Variants in MATN3 observed in about 807,000 individuals in gnomAD.
MATN3 encodes matrilin 3, also known as matrilin-3.
MATN3 carries 48 observed loss-of-function variants against 45.3 expected under a neutral mutation model. The observed-to-expected ratio is 1.06, with a 90% CI of 0.84 to 1.35. MATN3 has a LOEUF of 1.35. Among genes scored for constraint, MATN3 ranks in the 40% most tolerant of loss-of-function variants. The pLI is 0.00. For synonymous variants in MATN3, 217 were observed against 245.9 expected (o/e 0.88, Z 1.10); for missense variants, 599 against 628.0 (o/e 0.95, Z 0.49).
Position 19,992,306 on chromosome 2 carries a change from A to C in MATN3, c.*805T>G, listed in dbSNP as rs76695784. ...GTAATCCCAGCACTTTGGGAGGCTG[A>C]GGCAGGTGGATCACTAACATTAAAA... On this transcript the variant is annotated 3_prime_UTR_variant, in exon 8 of 8. Coordinates refer to ENST00000407540, the MANE Select transcript of MATN3 (RefSeq NM_002381.5). The C allele has an allele frequency of 1.3e-5, 2 of 152,194 alleles. No homozygotes were observed. The highest frequency in any genetic ancestry group is 2.9e-5 in the Non-Finnish European group (2 of 68,002). The allele number at this position is 152,194 out of a possible 1,614,324, so 9.4% of individuals were successfully genotyped here. A position where few individuals can be genotyped will look rare whatever the true frequency, so the allele number is the denominator to read the frequency against.
At chr2:20,010,441 G>A (rs1472409212) in intron 1 of MATN3, among the ~76,000 whole-genome samples, 4 of 152,126 alleles carry the variant, frequency 2.6e-5, no homozygotes, top group Non-Finnish European at 5.9e-5. Flanking sequence ...TTACTTTTAC[G>A]TGGCAAAGAG....
In MATN3 at chr2:19,995,105, T is replaced by A. The variant is rs1341594963; in HGVS notation, c.1295-696A>T. The stretch of plus-strand genomic sequence containing the variant: ...ACCCTGTCTCTTAAAAATAAATAAA[T>A]AAAAATAAAACTAGGACAATAGTCC... On this transcript the variant is annotated intron_variant, in intron 6 of 7. Coordinates refer to ENST00000407540, the MANE Select transcript of MATN3 (RefSeq NM_002381.5). This position sits in a 1 kb window ranked among gnomAD's most constrained non-coding sequence, Gnocchi z 4.2. Among the ~76,000 whole-genome samples the A allele has an allele frequency of 6.8e-6, 1 of 147,670 alleles. No homozygotes were observed. Among genetic ancestry groups the A allele is most frequent in the Admixed American group, 6.8e-5 (1 of 14,772 alleles).
At chr2:19,999,362 A>G (rs1672940531) in intron 5 of MATN3, 1 of 152,448 alleles carries the variant, frequency 6.6e-6, no homozygotes, top group Admixed American at 6.6e-5. Flanking sequence ...GCCACTTTCC[A>G]CTTGTCTCCA....
intron 5 of MATN3, among the ~76,000 whole-genome samples, chr2:19,999,961 T>G (rs2103481142): frequency 6.6e-6 from 1 of 152,324 alleles, no homozygotes; most frequent in African/African-American, 2.4e-5. Context: ...GGCCTCAAAC[T>G]TACTGGAAGA....
At chr2:20,011,762 A>C (rs977375150) in intron 1 of MATN3, among the ~76,000 whole-genome samples, 2 of 152,204 alleles carry the variant, frequency 1.3e-5, no homozygotes, top group African/African-American at 4.8e-5. Flanking sequence ...GATATGCCTC[A>C]GTTTCCCTTC....
chr2:20,010,077 A>AAAAAAAAAAAAC (rs1673190587), intron 1 of MATN3, among the ~76,000 whole-genome samples: 1 of 149,286 alleles, frequency 6.7e-6, no homozygotes, highest in African/African-American at 2.5e-5. Context: ...TAAAAAAAAA[A>AAAAAAAAAAAAC]AAAAAAAAAA....
At chr2:19,999,649 A>AAAAAAT (rs1672947009) in intron 5 of MATN3, among the ~76,000 whole-genome samples, 2 of 145,242 alleles carry the variant, frequency 1.4e-5, no homozygotes, top group Non-Finnish European at 3.1e-5. Context: ...AAAAAAAAAA[A>AAAAAAT]AGAGGGGACT....
rs1275166038 is a variant in MATN3 at position 20,012,554 on chromosome 2, G to A, written c.78C>T (p.Ala26=). Residue 26 remains alanine (A), a synonymous_variant, in exon 1 of 8, where the codon GCC becomes GCT. Transcript: ENST00000407540. This position sits in a 1 kb window ranked among gnomAD's most constrained non-coding sequence, Gnocchi z 4.3. ...CCGGGCGGGCCACGGGGTCGGGGGCGGCGGAGGGCAGCAGCAGCAGCGGCC... is the reference window on the plus strand; with the variant it reads ...CCGGGCGGGCCACGGGGTCGGGGGCAGCGGAGGGCAGCAGCAGCAGCGGCC... ...LLWPLLLLPS[A]APDPVARPGF... The A allele has an allele frequency of 2.4e-6, 3 of 1,227,000 alleles. No individual in the cohort carries two copies. Among genetic ancestry groups the A allele is most frequent in the Non-Finnish European group, 3.0e-6 (3 of 985,618 alleles). 76.0% of individuals were successfully genotyped at this position (1,227,000 alleles called of 1,614,324 possible).
chr2:20,001,942 C>T lies in MATN3; in HGVS notation c.1042+13G>A. ...AGCTAAGTAGCAATAGTAAAGACTC[C>T]TCCCTCACTTACCTGAACAAGTTTT... On this transcript the variant is annotated intron_variant, in intron 4 of 7. Coordinates refer to ENST00000407540, the MANE Select transcript of MATN3 (RefSeq NM_002381.5). 1 of 1,611,944 alleles carries T rather than the reference C, an allele frequency of 6.2e-7. No homozygotes were observed. The highest frequency in any genetic ancestry group is 8.5e-7 in the Non-Finnish European group (1 of 1,178,812).
rs1673102663 is a variant in MATN3, at chr2:20,006,166, G to A, written c.368C>T (p.Ala123Val). The change falls in exon 2 of 8, where the codon GCA becomes GTA. Residue 123 changes from alanine (A) to valine (V), a missense_variant. Physicochemically the swap from Ala to Val is moderately conservative, Grantham distance 64. Coordinates refer to ENST00000407540, the MANE Select transcript of MATN3 (RefSeq NM_002381.5). Reference protein sequence around the residue: ...LDIGPADTRVAVVNYASTVKI... With the variant: ...LDIGPADTRVVVVNYASTVKI... ...CACAGTGCTAGCATAGTTCACCACT[G>A]CCACCCGCGTGTCGGCTGGCCCAAT... 6.2e-7 allele frequency: 1 copy of A among 1,613,986 alleles called. No homozygotes were observed. Among genetic ancestry groups the A allele is most frequent in the Non-Finnish European group, 8.5e-7 (1 of 1,179,880 alleles).
At chr2:20,000,690 A>C (rs1672969046) in intron 4 of MATN3, 124 bp from the exon 5 acceptor site, 3 of 906,712 alleles carry the variant, frequency 3.3e-6, no homozygotes, top group Non-Finnish European at 4.8e-6. Context: ...ATTCAAAGCC[A>C]TTGGCACTGT....
chr2:20,010,692 C>T (rs1158593616), intron 1 of MATN3, among the ~76,000 whole-genome samples: 1 of 152,196 alleles, frequency 6.6e-6, no homozygotes, highest in Non-Finnish European at 1.5e-5. Flanking sequence ...GCAGTCTCCC[C>T]TAGAGCCTCC....
In MATN3 at chr2:20,012,522, C is replaced by G; in HGVS notation, c.110G>C (p.Arg37Pro). 3.3e-6 allele frequency: 4 copies of G among 1,227,650 alleles called. No homozygotes were observed. The highest frequency in any genetic ancestry group is 4.1e-6 in the Non-Finnish European group (4 of 985,488). 76.0% of individuals were successfully genotyped at this position (1,227,650 alleles called of 1,614,324 possible). The change falls in exon 1 of 8, where the codon CGG becomes CCG. Residue 37 changes from arginine to proline, a missense_variant. By Grantham distance (103) the Arg-to-Pro change is moderately radical. Coordinates refer to ENST00000407540, the MANE Select transcript of MATN3 (RefSeq NM_002381.5). This position sits in a 1 kb window ranked among gnomAD's most constrained non-coding sequence, Gnocchi z 4.3. ...APDPVARPGFRRLETRGPGGS... is the reference protein window; with the variant it reads ...APDPVARPGFPRLETRGPGGS... ...CCCGGGACCTCGGGTCTCCAGCCTC[C>G]GGAAGCCCGGGCGGGCCACGGGGTC... is the stretch of plus-strand genomic sequence containing the variant.
chr2:20,006,438 G>A (rs1309005480), intron 1 of MATN3, 128 bp from the exon 2 acceptor site: 7 of 665,810 alleles, frequency 1.1e-5, no homozygotes, highest in East Asian at 2.7e-5. Flanking sequence ...CACTGCCTGC[G>A]ACCTTCCCCA....
At chr2:20,005,392 G>A (rs1673076093) in intron 2 of MATN3, among the ~76,000 whole-genome samples, 2 of 152,164 alleles carry the variant, frequency 1.3e-5, no homozygotes, top group Non-Finnish European at 2.9e-5. Flanking sequence ...TAGTGGTGGG[G>A]CAGAGGGGAC....
chr2:20,008,551 G>C (rs140509294), intron 1 of MATN3, among the ~76,000 whole-genome samples: 1 of 152,276 alleles, frequency 6.6e-6, no homozygotes, highest in East Asian at 1.9e-4. Context: ...TTATCTTCTT[G>C]TTTTTAGCCT....
intron 7 of MATN3, among the ~76,000 whole-genome samples, chr2:19,993,606 C>T (rs191294078): frequency 5.9e-5 from 9 of 152,126 alleles, no homozygotes; most frequent in East Asian, 1.9e-4. Flanking sequence ...AAATGAGAGA[C>T]GGGAAAAGAA....
Position 20,002,161 on chromosome 2 carries a change from T to TACACACACACACACACAC in MATN3, c.917-99_917-82dup, listed in dbSNP as rs35083474. ...TTGTGGGCCACGCCACTTACAGTTATACACACACACACACACACACACACA... is the reference window on the plus strand; with the variant it reads ...TTGTGGGCCACGCCACTTACAGTTATACACACACACACACACACACACACACACACACACACACACACA... On this transcript the variant is annotated intron_variant, in intron 3 of 7. Coordinates refer to ENST00000407540, the MANE Select transcript of MATN3 (RefSeq NM_002381.5). 1.8e-4 allele frequency: 118 copies of TACACACACACACACACAC among 647,630 alleles called. No individual in the cohort carries two copies. In the East Asian group the frequency reaches 3.9e-3, roughly 21 times the overall value. 40.1% of individuals were successfully genotyped at this position (647,630 alleles called of 1,614,324 possible).
At chr2:20,001,262 T>C (rs1169939205) in intron 4 of MATN3, among the ~76,000 whole-genome samples, 1 of 152,182 alleles carries the variant, frequency 6.6e-6, no homozygotes, top group African/African-American at 2.4e-5. Flanking sequence ...TCTACAGACT[T>C]TATTCAAATG....
Sources: allele counts gnomAD v4.1 joint callset (sites outside exome capture counted in the v4.1 genomes callset), GRCh38; gene constraint gnomAD v4.1.1; non-coding constraint Gnocchi (gnomAD v3.1); transcripts MANE v1.5; gene names NCBI Gene and HGNC (gene_info 2026-07-23, HGNC 2026-07-21).